Variants in MAD1L1 observed in about 807,000 individuals in gnomAD.
MAD1L1 encodes the protein mitotic arrest deficient 1 like 1, also known as mitotic spindle assembly checkpoint protein MAD1.
A neutral mutation model predicts 96.9 loss-of-function variants in MAD1L1; 95 were observed. The ratio of observed to expected loss-of-function variants is 0.98; its 90% CI spans 0.83 to 1.16. The LOEUF (loss-of-function observed/expected upper bound fraction) is 1.16. MAD1L1 is among the 50% of genes most tolerant of loss of function. The probability of loss-of-function intolerance (pLI) is 0.00; values close to 1 mark genes in which losing one functional copy is unlikely to be tolerated. For missense variants in MAD1L1, 1,007 were observed against 954.4 expected (o/e 1.06, Z -0.73); for synonymous variants, 473 against 396.6 (o/e 1.19, Z -2.29).
intron 10 of MAD1L1, among the ~76,000 whole-genome samples, chr7:2,171,834 G>A (rs965259497): frequency 6.6e-6 from 1 of 152,348 alleles, no homozygotes; most frequent in South Asian, 2.1e-4. Flanking sequence ...CCCAGTAAGA[G>A]GGCACCATGC....
intron 13 of MAD1L1, among the ~76,000 whole-genome samples, chr7:2,002,761 T>C (rs1456428360): frequency 6.6e-6 from 1 of 152,240 alleles, no homozygotes; most frequent in Non-Finnish European, 1.5e-5. Flanking sequence ...AGGCTGGGTC[T>C]GGTTGTGGGG....
At chr7:2,230,440 A>G (rs1252133776) in intron 2 of MAD1L1, 109 bp downstream of exon 2, 1 of 322,658 alleles carries the variant, frequency 3.1e-6, no homozygotes, top group Non-Finnish European at 6.0e-6. Flanking sequence ...CTCAGCACTC[A>G]GGTGGCACGT....
At chr7:2,228,672 T>C (rs545953423) in intron 3 of MAD1L1, among the ~76,000 whole-genome samples, 4 of 152,098 alleles carry the variant, frequency 2.6e-5, no homozygotes, top group South Asian at 2.1e-4. Context: ...CATATATATA[T>C]ATATGACCTA....
chr7:1,942,836 A>G (rs1779063300), intron 16 of MAD1L1, among the ~76,000 whole-genome samples: 1 of 152,128 alleles, frequency 6.6e-6, no homozygotes, highest in Non-Finnish European at 1.5e-5. Flanking sequence ...ACAGGCTTGC[A>G]AAGGGGGAAC....
intron 11 of MAD1L1, among the ~76,000 whole-genome samples, chr7:2,086,431 G>A (rs1684353789): frequency 6.6e-6 from 1 of 152,272 alleles, no homozygotes. Flanking sequence ...CAGTCAGTCA[G>A]TGCCAAGGAG....
intron 12 of MAD1L1, among the ~76,000 whole-genome samples, chr7:2,039,306 T>C (rs930647073): frequency 3.9e-5 from 6 of 152,254 alleles, no homozygotes. Context: ...TTGGCCATTA[T>C]GCAAAAGCTG....
chr7:2,075,971 C>A (rs955811021), intron 11 of MAD1L1, among the ~76,000 whole-genome samples: 32 of 152,324 alleles, frequency 2.1e-4, no homozygotes, highest in African/African-American at 7.0e-4. Context: ...AGCACAGGAG[C>A]CCACGGCGTG....
intron 14 of MAD1L1, among the ~76,000 whole-genome samples, chr7:1,983,644 C>A (rs1371835392): frequency 1.3e-5 from 2 of 152,212 alleles, no homozygotes; most frequent in African/African-American, 2.4e-5. Flanking sequence ...CAGTAAACTT[C>A]TCAATCTTAT....
intron 13 of MAD1L1, among the ~76,000 whole-genome samples, chr7:2,014,234 G>C (rs891827675): frequency 6.6e-6 from 1 of 152,214 alleles, no homozygotes; most frequent in East Asian, 1.9e-4. Flanking sequence ...ACCAGTCAAA[G>C]GGGCACTGTC....
chr7:2,008,033 C>G (rs1335821065), intron 13 of MAD1L1, among the ~76,000 whole-genome samples: 1 of 152,242 alleles, frequency 6.6e-6, no homozygotes, highest in Non-Finnish European at 1.5e-5. Flanking sequence ...AGGCCCCAGA[C>G]CGGTGTCTCT....
At chr7:1,825,039 G>A (rs1267915851) in intron 18 of MAD1L1, among the ~76,000 whole-genome samples, 1 of 152,162 alleles carries the variant, frequency 6.6e-6, no homozygotes, top group Non-Finnish European at 1.5e-5. Context: ...AACTCGGAGT[G>A]CTGGGACGGA....
chr7:2,063,006 G>A (rs1784727317), intron 12 of MAD1L1, among the ~76,000 whole-genome samples: 1 of 152,202 alleles, frequency 6.6e-6, no homozygotes, highest in Non-Finnish European at 1.5e-5. Context: ...GCGGAGCAAT[G>A]TTTAAAGATA....
At chr7:1,992,890 C>G (rs1584018580) in intron 14 of MAD1L1, among the ~76,000 whole-genome samples, 1 of 142,220 alleles carries the variant, frequency 7.0e-6, no homozygotes, top group East Asian at 1.9e-4. Flanking sequence ...ACGGGATCAG[C>G]TTATGGAAGA....
intron 12 of MAD1L1, among the ~76,000 whole-genome samples, chr7:2,066,163 C>T (rs2128526992): frequency 6.6e-6 from 1 of 152,358 alleles, no homozygotes; most frequent in Non-Finnish European, 1.5e-5. Flanking sequence ...GTCAAGCACA[C>T]AAGGAGAGCC....
chr7:2,124,341 G>A (rs111349283), intron 11 of MAD1L1, among the ~76,000 whole-genome samples: 3,602 of 152,326 alleles, frequency 0.024, 65 homozygotes, highest in Non-Finnish European at 0.037. Context: ...CGGGGGTGTG[G>A]AACTACCACG....
chr7:1,876,384 G>A (rs555794458), intron 18 of MAD1L1, among the ~76,000 whole-genome samples: 8 of 151,712 alleles, frequency 5.3e-5, no homozygotes, highest in African/African-American at 1.7e-4. Context: ...TCACCCTGCC[G>A]GACGCTGCCC....
intron 11 of MAD1L1, among the ~76,000 whole-genome samples, chr7:2,076,753 A>T (rs561458796): frequency 1.8e-4 from 27 of 152,132 alleles, no homozygotes; most frequent in Admixed American, 1.2e-3. Context: ...AGCCCGCAAC[A>T]TGGTGAGCCC....
intron 18 of MAD1L1, among the ~76,000 whole-genome samples, chr7:1,875,019 A>AGGGCAGGCT (rs1785307882): frequency 6.6e-6 from 1 of 152,116 alleles, no homozygotes; most frequent in East Asian, 1.9e-4. Flanking sequence ...TCCCCTCTGC[A>AGGGCAGGCT]GGGCAGGCTG....
At chr7:1,836,617 T>C (rs1019063458) in intron 18 of MAD1L1, among the ~76,000 whole-genome samples, 1 of 152,234 alleles carries the variant, frequency 6.6e-6, no homozygotes, top group Non-Finnish European at 1.5e-5. Context: ...GAAGTTTCCA[T>C]ATTGTTAAGA....
Sources: gnomAD v4.1 joint callset for allele counts (sites outside exome capture counted in the v4.1 genomes callset) on GRCh38, gnomAD v4.1.1 for gene constraint, MANE v1.5 for transcripts, NCBI Gene and HGNC (gene_info 2026-07-23, HGNC 2026-07-21) for gene names.